NUP98: variants seen among roughly 807,000 people sequenced by gnomAD.
NUP98 encodes the protein nucleoporin 98 and 96 precursor, also known as nuclear pore complex protein Nup98-Nup96.
Under a neutral mutation model 191.9 loss-of-function variants are expected in NUP98, and 26 were observed. That is an observed-to-expected ratio of 0.14 (90% CI 0.10 to 0.19). NUP98 has a LOEUF of 0.19. Ranked by LOEUF, NUP98 falls within the 10% of genes least tolerant of loss-of-function variation. The pLI, the probability that NUP98 is intolerant of heterozygous loss-of-function variation, is 1.00. For missense variants in NUP98, 1,941 were observed against 2,178.8 expected, an observed-to-expected ratio of 0.89 and a Z score of 2.17; for synonymous variants, 808 against 778.4, an observed-to-expected ratio of 1.04 and a Z score of -0.63.
intron 28 of NUP98, among the ~76,000 whole-genome samples, chr11:3,691,032 C>T (rs1474044460): frequency 6.6e-6 from 1 of 152,120 alleles, no homozygotes; most frequent in Non-Finnish European, 1.5e-5. Flanking sequence ...CAAAGGGGCA[C>T]ACAGGCATTT....
chr11:3,775,480 G>A (rs763455433), intron 5 of NUP98, among the ~76,000 whole-genome samples: 1 of 151,684 alleles, frequency 6.6e-6, no homozygotes, highest in Non-Finnish European at 1.5e-5. Flanking sequence ...AGGTTGCAGT[G>A]AGCTGAGATT....
intron 30 of NUP98, among the ~76,000 whole-genome samples, chr11:3,682,179 G>A (rs74234603): frequency 1.3e-5 from 2 of 152,226 alleles, no homozygotes; most frequent in Non-Finnish European, 2.9e-5. Context: ...AGGGAATGTT[G>A]TGGCTGGTTT....
chr11:3,736,404 TC>T lies in NUP98; in HGVS notation c.1409-1081del, dbSNP rs202118493. Among the ~76,000 whole-genome samples, 940 of 152,318 alleles carry T rather than the reference TC, an allele frequency of 6.2e-3. 11 individuals carry two copies. The highest frequency in any genetic ancestry group is 0.021 in the African/African-American group (891 of 41,572). On this transcript the variant is annotated intron_variant, in intron 12 of 32. Coordinates refer to ENST00000324932, the MANE Select transcript of NUP98 (RefSeq NM_016320.5). The stretch of plus-strand genomic sequence containing the variant: ...GGGGTGCAGTGGCTCATGCCTGTAA[TC>T]CCAGCACTGGGAGGTCGTGGCGAGC...
chr11:3,788,854 G>C (rs1417758843), intron 1 of NUP98, among the ~76,000 whole-genome samples: 1 of 152,054 alleles, frequency 6.6e-6, no homozygotes, highest in Non-Finnish European at 1.5e-5. Flanking sequence ...GGCTGAGGCA[G>C]GAGAATCGCT....
intron 14 of NUP98, 71 bp downstream of exon 14, chr11:3,731,320 T>G (rs571464740): frequency 1.3e-4 from 132 of 995,286 alleles, no homozygotes; most frequent in Non-Finnish European, 1.7e-4. Flanking sequence ...ATTTAAATAA[T>G]TGTATATTAT....
intron 22 of NUP98, among the ~76,000 whole-genome samples, chr11:3,704,568 G>A (rs1356055822): frequency 1.3e-5 from 2 of 152,238 alleles, no homozygotes; most frequent in Non-Finnish European, 2.9e-5. Context: ...ACTAAGTAAT[G>A]TTATAAAAAT....
At chr11:3,725,272 A>G (rs879363205) in intron 14 of NUP98, 53 bp from the exon 15 acceptor site, 38 of 814,370 alleles carry the variant, frequency 4.7e-5, no homozygotes, top group Non-Finnish European at 7.5e-5. Context: ...GCATACAGAT[A>G]TGTCCCAGAC....
At chr11:3,720,372 T>G (rs2079344727) in intron 17 of NUP98, among the ~76,000 whole-genome samples, 1 of 152,104 alleles carries the variant, frequency 6.6e-6, no homozygotes, top group Admixed American at 6.6e-5. Flanking sequence ...AAATAGTTAC[T>G]AGCACCAAAC....
At chr11:3,762,808 A>G in intron 9 of NUP98, 94 bp downstream of exon 9, 1 of 1,393,164 alleles carries the variant, frequency 7.2e-7, no homozygotes, top group East Asian at 2.3e-5. Flanking sequence ...TACACCCAAT[A>G]AAAATACCTG....
At position 3,697,910 on chromosome 11, in the gene NUP98, G is replaced by A. The variant is rs1022941284; in HGVS notation, c.4009+1172C>T. On this transcript the variant is annotated intron_variant, in intron 25 of 32. Transcript: ENST00000324932. ...CCTCATTAGTGAAAGGGAACTTAAA[G>A]AAGTAAATATATGCATATAAATTCC... is the stretch of plus-strand genomic sequence containing the variant. Among the ~76,000 whole-genome samples, 6 of 146,738 alleles carry A rather than the reference G, an allele frequency of 4.1e-5. No individual in the cohort carries two copies. The East Asian group carries it at 1.1e-3, about 26-fold the overall frequency.
chr11:3,747,105 T>A (rs1301537698), intron 11 of NUP98, among the ~76,000 whole-genome samples: 1 of 152,160 alleles, frequency 6.6e-6, no homozygotes, highest in Non-Finnish European at 1.5e-5. Flanking sequence ...ATTCTGAGTG[T>A]GATGTTGTGT....
Position 3,679,540 on chromosome 11 carries a change from A to G in NUP98, c.5073+14T>C. Reference sequence around the variant, plus strand: ...AAAAGGAAAATCAGGCAGCAGTTTCAGGATCTCAGGTACCTGCTGTATATG... The same window carrying G: ...AAAAGGAAAATCAGGCAGCAGTTTCGGGATCTCAGGTACCTGCTGTATATG... On this transcript the variant is annotated intron_variant, in intron 31 of 32. Transcript: ENST00000324932. 2 of 1,614,050 alleles carry G rather than the reference A, an allele frequency of 1.2e-6. No individual in the cohort carries two copies. The highest frequency in any genetic ancestry group is 1.7e-6 in the Non-Finnish European group (2 of 1,179,906).
rs147123912 is a variant in NUP98 at position 3,697,559 on chromosome 11, C to T, written c.4009+1523G>A. ...GCACGGTGGCTCATGCCTGTAATCC[C>T]AGCACTTGGGAGGCCAAAGTGGGTG... On this transcript the variant is annotated intron_variant, in intron 25 of 32. Transcript: ENST00000324932. Among the ~76,000 whole-genome samples the T allele has an allele frequency of 1.4e-3, 209 of 152,096 alleles. 3 individuals are homozygous for T. Among genetic ancestry groups the T allele is most frequent in the Non-Finnish European group, 2.1e-4 (14 of 67,964 alleles).
chr11:3,761,913 C>G (rs1411871390), intron 9 of NUP98, among the ~76,000 whole-genome samples: 1 of 152,136 alleles, frequency 6.6e-6, no homozygotes, highest in Non-Finnish European at 1.5e-5. Context: ...CACTGCAGTA[C>G]AGCCTGGACA....
chr11:3,697,730 C>T (rs558084345), intron 25 of NUP98, among the ~76,000 whole-genome samples: 2 of 147,240 alleles, frequency 1.4e-5, no homozygotes, highest in South Asian at 4.3e-4. Flanking sequence ...GCAGGAGAAT[C>T]GCTTGAACCC....
At chr11:3,686,762 T>TAA (rs2134032183) in intron 28 of NUP98, among the ~76,000 whole-genome samples, 1 of 152,206 alleles carries the variant, frequency 6.6e-6, no homozygotes, top group South Asian at 2.1e-4. Context: ...GGTGGGCGGA[T>TAA]CACTTGAGGT....
At chr11:3,746,464 A>G (rs1564877558) in intron 11 of NUP98, among the ~76,000 whole-genome samples, 1 of 151,792 alleles carries the variant, frequency 6.6e-6, no homozygotes, top group Non-Finnish European at 1.5e-5. Context: ...TTGCCTCCAA[A>G]CAAAAACTTA....
At chr11:3,680,737 G>C (rs944849928) in intron 30 of NUP98, among the ~76,000 whole-genome samples, 1 of 151,986 alleles carries the variant, frequency 6.6e-6, no homozygotes, top group Non-Finnish European at 1.5e-5. Context: ...TGGTACAGAT[G>C]GGGTTTCACC....
Position 3,700,630 on chromosome 11 carries a change from C to T in NUP98, c.3722G>A (p.Gly1241Glu). 6.2e-7 allele frequency: 1 copy of T among 1,613,556 alleles called. No individual in the cohort carries two copies. The highest frequency in any genetic ancestry group is 8.5e-7 in the Non-Finnish European group (1 of 1,179,614). ...CTCACTTTGTGCTTCTGGTAAGTCT[C>T]CTGATGCTTCTTTAACCCAATCTGC... Reference protein sequence around the residue: ...DYADWVKEASGDLPEAQIVKH... With the variant: ...DYADWVKEASEDLPEAQIVKH... Residue 1241 changes from glycine (G) to glutamate (E), a missense_variant, in exon 24 of 33, where the codon GGA (glycine) becomes GAA (glutamate). Around this residue, in one of 6 missense-constraint regions of NUP98, gnomAD observed 1,030 missense variants for 1,115.8 expected, o/e 0.92. Transcript: ENST00000324932.
Sources: allele counts gnomAD v4.1 joint callset (sites outside exome capture counted in the v4.1 genomes callset), GRCh38; gene constraint gnomAD v4.1.1; regional missense constraint gnomAD v4.1.1; transcripts MANE v1.5; gene names NCBI Gene and HGNC (gene_info 2026-07-23, HGNC 2026-07-21).